The following PCDH15 variants were observed in gnomAD, a reference collection of about 807,000 sequenced individuals.
PCDH15 encodes protocadherin-15.
A neutral mutation model predicts 178.5 loss-of-function variants in PCDH15; 129 were observed. The ratio of observed to expected loss-of-function variants is 0.72; its 90% confidence interval spans 0.63 to 0.84. The LOEUF (loss-of-function observed/expected upper bound fraction) is 0.84, where lower values mean the gene tolerates loss of function less well. Ranked by LOEUF, PCDH15 falls within the 40% of genes least tolerant of loss-of-function variation. The pLI is 0.00. For missense variants in PCDH15, 2,230 were observed against 2,099.9 expected (o/e 1.06, Z -1.21); for synonymous variants, 800 against 732.0 (o/e 1.09, Z -1.50).
chr10:55,082,965 C>T (rs1232572278), intron 2 of PCDH15, among the ~76,000 whole-genome samples: 1 of 151,884 alleles, frequency 6.6e-6, no homozygotes, highest in East Asian at 1.9e-4. Context: ...TTTTATTAAA[C>T]ATTTAAACAA....
chr10:55,028,700 T>G (rs530366164), intron 2 of PCDH15, among the ~76,000 whole-genome samples: 106 of 152,122 alleles, frequency 7.0e-4, no homozygotes, highest in African/African-American at 2.3e-3. Context: ...TGCAACCATA[T>G]TCATGTCTAA....
chr10:54,548,681 T>C (rs906934652), intron 2 of PCDH15, among the ~76,000 whole-genome samples: 2 of 148,872 alleles, frequency 1.3e-5, no homozygotes, highest in Non-Finnish European at 3.0e-5. Context: ...GTTTCACATA[T>C]ATATACAACA....
intron 2 of PCDH15, among the ~76,000 whole-genome samples, chr10:55,447,961 G>A (rs895478007): frequency 2.6e-5 from 4 of 151,866 alleles, no homozygotes; most frequent in African/African-American, 9.7e-5. Context: ...AGCTTCCAAG[G>A]AAGAGCTAGG....
intron 2 of PCDH15, among the ~76,000 whole-genome samples, chr10:55,064,090 C>A (rs1841503897): frequency 6.6e-6 from 1 of 152,030 alleles, no homozygotes; most frequent in Admixed American, 6.6e-5. Flanking sequence ...AGAAGCACTT[C>A]CAGAAAGCAA....
intron 2 of PCDH15, among the ~76,000 whole-genome samples, chr10:55,123,544 C>A (rs1195659207): frequency 6.6e-6 from 1 of 151,910 alleles, no homozygotes; most frequent in African/African-American, 2.4e-5. Context: ...GATTTTTAAC[C>A]CTTCTGCCTT....
chr10:54,888,586 G>A (rs1954403490), intron 3 of PCDH15, among the ~76,000 whole-genome samples: 1 of 151,472 alleles, frequency 6.6e-6, no homozygotes, highest in African/African-American at 2.4e-5. Flanking sequence ...CATATGGTGG[G>A]CATAAGTTTA....
intron 2 of PCDH15, among the ~76,000 whole-genome samples, chr10:55,481,262 A>T (rs1840174774): frequency 6.6e-6 from 1 of 150,684 alleles, no homozygotes; most frequent in Non-Finnish European, 1.5e-5. Flanking sequence ...AGTCTATTTT[A>T]CTAATTTTTT....
chr10:55,190,181 T>C (rs1383428911), intron 1 of PCDH15, among the ~76,000 whole-genome samples: 1 of 151,670 alleles, frequency 6.6e-6, no homozygotes, highest in East Asian at 1.9e-4. Context: ...TGTATGAAAT[T>C]CAAGAACAGA....
At chr10:55,564,490 GACAGTT>G (rs1842261717) in intron 2 of PCDH15, among the ~76,000 whole-genome samples, 1 of 151,560 alleles carries the variant, frequency 6.6e-6, no homozygotes. Context: ...ATAACAAAAT[GACAGTT>G]ACAGTTATCT....
chr10:54,618,551 A>G (rs552319933), intron 2 of PCDH15, among the ~76,000 whole-genome samples: 2 of 152,228 alleles, frequency 1.3e-5, no homozygotes, highest in South Asian at 4.1e-4. Flanking sequence ...AATATAACAA[A>G]TGTGAGTTAC....
At chr10:55,365,336 A>G (rs1216139988) in intron 2 of PCDH15, among the ~76,000 whole-genome samples, 2 of 152,120 alleles carry the variant, frequency 1.3e-5, no homozygotes, top group South Asian at 2.1e-4. Flanking sequence ...TGTGGTTTCT[A>G]TGTTGGACAC....
At chr10:54,810,649 A>T (rs1564528709) in intron 3 of PCDH15, among the ~76,000 whole-genome samples, 1 of 152,108 alleles carries the variant, frequency 6.6e-6, no homozygotes, top group Non-Finnish European at 1.5e-5. Context: ...ACAAGTGTCA[A>T]CCCCTAGAGT....
intron 3 of PCDH15, among the ~76,000 whole-genome samples, chr10:54,487,136 T>TGGA (rs2079169337): frequency 6.6e-6 from 1 of 152,072 alleles, no homozygotes; most frequent in South Asian, 2.1e-4. Flanking sequence ...TAAAAGGATA[T>TGGA]ATGCATAATG....
At chr10:53,973,001 T>C (rs1257342754) in intron 21 of PCDH15, among the ~76,000 whole-genome samples, 3 of 152,116 alleles carry the variant, frequency 2.0e-5, no homozygotes, top group African/African-American at 4.8e-5. Context: ...CCTATGTTTA[T>C]TGTGGTACTA....
At chr10:55,355,501 C>CAT (rs1450104499) in intron 2 of PCDH15, among the ~76,000 whole-genome samples, 1 of 151,948 alleles carries the variant, frequency 6.6e-6, no homozygotes, top group East Asian at 1.9e-4. Context: ...TGTTGTCGCA[C>CAT]ATATTTTCAT....
intron 2 of PCDH15, among the ~76,000 whole-genome samples, chr10:54,541,765 A>AT (rs1193083798): frequency 4.6e-5 from 7 of 152,236 alleles, no homozygotes; most frequent in East Asian, 3.9e-4. Context: ...CTAATTTGTT[A>AT]TTTTTTCTAA....
At chr10:55,362,197 T>G (rs1237823861) in intron 2 of PCDH15, among the ~76,000 whole-genome samples, 1 of 152,122 alleles carries the variant, frequency 6.6e-6, no homozygotes, top group Non-Finnish European at 1.5e-5. Flanking sequence ...CCCATAAAAT[T>G]AAGCACTTCT....
At chr10:54,386,672 CA>C (rs2135227883) in intron 3 of PCDH15, among the ~76,000 whole-genome samples, 1 of 152,026 alleles carries the variant, frequency 6.6e-6, no homozygotes, top group East Asian at 1.9e-4. Context: ...AATAGTTTTT[CA>C]AAGAAGATAT....
intron 2 of PCDH15, among the ~76,000 whole-genome samples, chr10:54,632,975 A>G (rs1464580814): frequency 6.6e-6 from 1 of 152,170 alleles, no homozygotes; most frequent in Non-Finnish European, 1.5e-5. Flanking sequence ...AATATTAAAA[A>G]GAAACAATGA....
Sources: allele counts gnomAD v4.1 joint callset (sites outside exome capture counted in the v4.1 genomes callset), GRCh38; gene constraint gnomAD v4.1.1; transcripts MANE v1.5; gene names NCBI Gene and HGNC (gene_info 2026-07-23, HGNC 2026-07-21).